Variants in HELB observed in about 807,000 individuals in gnomAD.
HELB encodes DNA 5'-3' helicase B.
HELB carries 96 observed loss-of-function variants against 101.7 expected under a neutral mutation model. The observed-to-expected ratio is 0.94, with a 90% confidence interval of 0.80 to 1.12. The LOEUF (loss-of-function observed/expected upper bound fraction) is 1.12. Among genes scored for constraint, HELB ranks in the 50% most tolerant of loss-of-function variants. The pLI is 0.00. For synonymous variants in HELB, 437 were observed against 459.7 expected (o/e 0.95, Z 0.63); for missense variants, 1,210 against 1,291.9 (o/e 0.94, Z 0.97).
rs1331987788 is a variant in HELB at position 66,338,007 on chromosome 12, G to C, written c.3169G>C (p.Glu1057Gln). The change falls in exon 13 of 13, where the codon GAA becomes CAA. Residue 1057 changes from glutamate (E) to glutamine (Q), a missense_variant. Around this residue, in one of 2 missense-constraint regions of HELB, gnomAD observed 740 missense variants for 728.8 expected, o/e 1.02. Coordinates refer to ENST00000247815, the MANE Select transcript of HELB (RefSeq NM_001370285.1). ...ESPSKIFMVG[E>Q]SPQVSSRLQN... ...ATTTTAATTGTTCTAACAGGTGGGAGAATCTCCACAAGTGTCTTCCAGACT... is the reference window on the plus strand; with the variant it reads ...ATTTTAATTGTTCTAACAGGTGGGACAATCTCCACAAGTGTCTTCCAGACT... 1 of 1,571,584 alleles carries C rather than the reference G, an allele frequency of 6.4e-7. No homozygotes were observed. Among genetic ancestry groups the C allele is most frequent in the East Asian group, 2.2e-5 (1 of 44,642 alleles).
At chr12:66,308,647 G>C (rs2053506111) in intron 3 of HELB, among the ~76,000 whole-genome samples, 1 of 152,218 alleles carries the variant, frequency 6.6e-6, no homozygotes, top group South Asian at 2.1e-4. Context: ...CTTGTAGATG[G>C]TCATTATCTC....
chr12:66,331,366 T>C lies in HELB; in HGVS notation c.2883T>C (p.Pro961=). Residue 961 remains proline, a synonymous_variant, in exon 12 of 13, where the codon CCT becomes CCC. Coordinates refer to ENST00000247815, the MANE Select transcript of HELB (RefSeq NM_001370285.1). ...LQSKLSSSGA[P]PADFPSPRKS... The stretch of plus-strand genomic sequence containing the variant: ...GTAAGCTCTCCTCTAGCGGCGCACC[T>C]CCAGCAGATTTTCCGTCCCCACGGA... 1 of 1,614,218 alleles carries C rather than the reference T, an allele frequency of 6.2e-7. No homozygotes were observed. Among genetic ancestry groups the C allele is most frequent in the Non-Finnish European group, 8.5e-7 (1 of 1,180,038 alleles).
chr12:66,322,647 T>A, intron 8 of HELB, 77 bp from the exon 9 acceptor site: 1 of 798,816 alleles, frequency 1.3e-6, no homozygotes, highest in Non-Finnish European at 2.1e-6. Context: ...GAATCTAGTA[T>A]GTCATAATTG....
chr12:66,302,651 C>A lies in HELB; in HGVS notation c.48C>A (p.Leu16=), dbSNP rs1037430801. ...PYLRQLQGPL[L]PPRDLVEEDD... is the part of the protein sequence containing the mutation. Reference sequence around the variant, plus strand: ...TGCGCCAACTTCAGGGACCTCTGCTCCCACCCAGGGATCTGGTGGAGGAGG... The same window carrying A: ...TGCGCCAACTTCAGGGACCTCTGCTACCACCCAGGGATCTGGTGGAGGAGG... Residue 16 remains leucine (L), a synonymous_variant, in exon 1 of 13, where the codon CTC becomes CTA. Coordinates refer to ENST00000247815, the MANE Select transcript of HELB (RefSeq NM_001370285.1). 1.2e-5 allele frequency: 19 copies of A among 1,614,016 alleles called. No homozygotes were observed. The highest frequency in any genetic ancestry group is 1.6e-5 in the Non-Finnish European group (19 of 1,179,978).
intron 7 of HELB, among the ~76,000 whole-genome samples, chr12:66,320,768 A>G (rs1180372316): frequency 1.3e-5 from 2 of 152,236 alleles, no homozygotes; most frequent in African/African-American, 4.8e-5. Flanking sequence ...TAAGTTATTA[A>G]GTAAATTATG....
At position 66,305,139 on chromosome 12, in the gene HELB, T is replaced by C; in HGVS notation, c.596T>C (p.Leu199Pro). 6.5e-7 allele frequency: 1 copy of C among 1,548,662 alleles called. No homozygotes were observed. The highest frequency in any genetic ancestry group is 8.7e-7 in the Non-Finnish European group (1 of 1,148,904). ...CTAGACAATGAGATGAGTCTTCCTC[T>C]GGAAAACACAAGTAAGTGTGATTTT... The part of the protein sequence containing the change: ...LFLDNEMSLP[L>P]ENTIPFRNVM... The change falls in exon 2 of 13, where the codon CTG (leucine) becomes CCG (proline). Residue 199 changes from leucine (L) to proline (P), a missense_variant. Physicochemically the swap from Leu to Pro is moderately conservative, Grantham distance 98. This residue lies in a region of HELB where 470 missense variants were observed against 563.1 expected (regional missense o/e 0.83). Transcript: ENST00000247815.
At chr12:66,321,845 T>A in intron 7 of HELB, 103 bp from the exon 8 acceptor site, 2 of 594,716 alleles carry the variant, frequency 3.4e-6, no homozygotes, top group South Asian at 3.4e-5. Context: ...TGGTGAGATA[T>A]TTTCCCAGGG....
At chr12:66,324,353 A>T in intron 10 of HELB, 142 bp downstream of exon 10, 2 of 668,516 alleles carry the variant, frequency 3.0e-6, no homozygotes, top group East Asian at 5.5e-5. Context: ...TTTGGCATCC[A>T]TGTTTATGAA....
chr12:66,323,934 A>G, intron 9 of HELB, 49 bp from the exon 10 acceptor site: 6 of 1,243,426 alleles, frequency 4.8e-6, no homozygotes, highest in Non-Finnish European at 5.9e-6. Flanking sequence ...GAACAAGTGA[A>G]ACGGAGACTT....
chr12:66,331,038 T>A, intron 11 of HELB, 116 bp from the exon 12 acceptor site: 1 of 1,141,154 alleles, frequency 8.8e-7, no homozygotes, highest in Non-Finnish European at 1.3e-6. Flanking sequence ...ATAATAATAG[T>A]CTGGCCAGGT....
chr12:66,333,970 G>T (rs957957332), intron 12 of HELB, among the ~76,000 whole-genome samples: 2 of 151,838 alleles, frequency 1.3e-5, no homozygotes, highest in South Asian at 4.2e-4. Flanking sequence ...GACCAGCCTG[G>T]GTAATATGGT....
At chr12:66,330,665 A>T (rs1189041072) in intron 11 of HELB, among the ~76,000 whole-genome samples, 1 of 148,192 alleles carries the variant, frequency 6.7e-6, no homozygotes, top group African/African-American at 2.5e-5. Flanking sequence ...TTATATATAT[A>T]AGTATATAAT....
intron 12 of HELB, among the ~76,000 whole-genome samples, chr12:66,336,673 G>A (rs574340752): frequency 6.6e-6 from 1 of 152,234 alleles, no homozygotes; most frequent in South Asian, 2.1e-4. Flanking sequence ...TCTGACACAG[G>A]GCACGGTGTG....
At chr12:66,315,634 G>T (rs1285405023) in intron 6 of HELB, among the ~76,000 whole-genome samples, 5 of 152,124 alleles carry the variant, frequency 3.3e-5, no homozygotes, top group African/African-American at 1.2e-4. Flanking sequence ...GTATGTATAT[G>T]AATTAAAATT....
intron 7 of HELB, among the ~76,000 whole-genome samples, chr12:66,320,223 G>A (rs1378419204): frequency 2.0e-5 from 3 of 151,944 alleles, no homozygotes; most frequent in Admixed American, 2.0e-4. Flanking sequence ...AATGATACAG[G>A]AATGTTTGAA....
chr12:66,314,003 TTCATGGAC>T lies in HELB; in HGVS notation c.1702_1709del (p.Trp568AsnfsTer15). 6.2e-7 allele frequency: 1 copy of T among 1,613,798 alleles called. No individual in the cohort carries two copies. ...GCTTGTAGGTCAATTATAGCTTCTA[TTCATGGAC>T]TCAAACAATGATGACCACAAACAAA... On this transcript the variant is annotated frameshift_variant, in exon 5 of 13. Coordinates refer to ENST00000247815, the MANE Select transcript of HELB (RefSeq NM_001370285.1). LOFTEE classifies it high-confidence loss of function.
At position 66,304,992 on chromosome 12, in the gene HELB, A is replaced by T. The variant is rs1267859908; in HGVS notation, c.449A>T (p.Glu150Val). Residue 150 changes from glutamate to valine, a missense_variant, in exon 2 of 13, where the codon GAG (glutamate) becomes GTG (valine). Around this residue, in one of 2 missense-constraint regions of HELB, gnomAD observed 470 missense variants for 563.1 expected, o/e 0.83. Transcript: ENST00000247815. The part of the protein sequence containing the change: ...DVNKFLTWVK[E>V]VSNYKNLNFE... ...AATAAATTTTTAACATGGGTAAAGG[A>T]GGTATCAAACTACAAAAACCTAAAC... 6.2e-7 allele frequency: 1 copy of T among 1,613,966 alleles called. No homozygotes were observed. The highest frequency in any genetic ancestry group is 8.5e-7 in the Non-Finnish European group (1 of 1,179,956).
In HELB at chr12:66,310,050, T is replaced by TC. The variant is rs1391879847; in HGVS notation, c.1124dup (p.Trp376LeufsTer20). 1.2e-6 allele frequency: 2 copies of TC among 1,614,202 alleles called. No individual in the cohort carries two copies. Among genetic ancestry groups the TC allele is most frequent in the South Asian group, 2.2e-5 (2 of 91,084 alleles). On this transcript the variant is annotated frameshift_variant, in exon 4 of 13. Coordinates refer to ENST00000247815, the MANE Select transcript of HELB (RefSeq NM_001370285.1). LOFTEE classifies it high-confidence loss of function. Reference sequence around the variant, plus strand: ...CAATTTGTGACCTGATGAAGAAACCTCCTTGGCATTTATGTGTCGATGTCG... The same window carrying TC: ...CAATTTGTGACCTGATGAAGAAACCTCCCTTGGCATTTATGTGTCGATGTCG...
In HELB at chr12:66,318,633, T is replaced by G. The variant is rs775827653; in HGVS notation, c.2001-5T>G. The G allele has an allele frequency of 3.1e-6, 5 of 1,592,880 alleles. No individual in the cohort carries two copies. The highest frequency in any genetic ancestry group is 4.3e-6 in the Non-Finnish European group (5 of 1,174,772). On this transcript the variant is annotated splice_region_variant and splice_polypyrimidine_tract_variant and intron_variant, in intron 6 of 12. Transcript: ENST00000247815. ...CTTTGTGTGTGTGTGTTATCTTTATTCAAGAATCTCAAGACGCCAATTTCC... is the reference window on the plus strand; with the variant it reads ...CTTTGTGTGTGTGTGTTATCTTTATGCAAGAATCTCAAGACGCCAATTTCC...
Sources: allele counts gnomAD v4.1 joint callset (sites outside exome capture counted in the v4.1 genomes callset), GRCh38; gene constraint gnomAD v4.1.1; regional missense constraint gnomAD v4.1.1; transcripts MANE v1.5; gene names NCBI Gene and HGNC (gene_info 2026-07-23, HGNC 2026-07-21).